Variants in DIAPH2 observed in about 807,000 individuals in gnomAD.
DIAPH2 encodes diaphanous related formin 2.
A neutral mutation model predicts 92.7 loss-of-function variants in DIAPH2; 35 were observed. The observed-to-expected ratio is 0.38, with a 90% confidence interval of 0.29 to 0.50. DIAPH2 has a LOEUF of 0.50. Ranked by LOEUF, DIAPH2 falls within the 20% of genes least tolerant of loss-of-function variation. The pLI, the probability that DIAPH2 is intolerant of heterozygous loss-of-function variation, is 0.94. For synonymous variants in DIAPH2, 301 were observed against 280.4 expected, an observed-to-expected ratio of 1.07 and a Z score of -0.73; for missense variants, 701 against 819.5, an observed-to-expected ratio of 0.86 and a Z score of 1.77.
chrX:96,738,974 G>A (rs1298842031), intron 3 of DIAPH2, among the ~76,000 whole-genome samples: 1 of 110,664 alleles, frequency 9.0e-6, no homozygotes, highest in Non-Finnish European at 1.9e-5. Context: ...TCCACTGTGA[G>A]CTCCTAAAAG....
At chrX:97,205,530 G>C (rs931145759) in intron 22 of DIAPH2, among the ~76,000 whole-genome samples, 1 of 111,369 alleles carries the variant, frequency 9.0e-6, no homozygotes, top group African/African-American at 3.3e-5. Flanking sequence ...TTTCTCAAAA[G>C]AAATGTGGCC....
At chrX:97,410,279 G>A (rs947497565) in intron 25 of DIAPH2, among the ~76,000 whole-genome samples, 16 of 111,996 alleles carry the variant, frequency 1.4e-4, no homozygotes, top group Admixed American at 9.4e-5. Context: ...GGTCTGGAGT[G>A]GACTTCCAGC....
chrX:96,996,024 C>T (rs970617243), intron 17 of DIAPH2, among the ~76,000 whole-genome samples: 2 of 110,978 alleles, frequency 1.8e-5, no homozygotes, highest in Non-Finnish European at 3.8e-5. Context: ...TGAAGTGCCA[C>T]ATTACATTAT....
At chrX:96,818,411 G>A (rs1465223711) in intron 4 of DIAPH2, among the ~76,000 whole-genome samples, 1 of 111,707 alleles carries the variant, frequency 9.0e-6, no homozygotes, top group Admixed American at 9.4e-5. Context: ...CTCTTTTGGG[G>A]TTGGGGGAAT....
intron 1 of DIAPH2, among the ~76,000 whole-genome samples, chrX:96,703,852 A>G (rs2063868613): frequency 8.9e-6 from 1 of 112,088 alleles, no homozygotes; most frequent in Admixed American, 9.5e-5. Context: ...TAGGGCTATG[A>G]TTTGAACTCA....
chrX:96,905,695 T>C (rs1203203579), intron 5 of DIAPH2, among the ~76,000 whole-genome samples: 1 of 112,061 alleles, frequency 8.9e-6, no homozygotes, highest in East Asian at 2.8e-4. Context: ...ATTTTTGATA[T>C]AATTCTGTCA....
chrX:97,381,523 T>A (rs1474280258), intron 24 of DIAPH2, among the ~76,000 whole-genome samples: 1 of 112,056 alleles, frequency 8.9e-6, no homozygotes, highest in East Asian at 2.8e-4. Context: ...AAATATTATA[T>A]GAGACATACT....
intron 16 of DIAPH2, among the ~76,000 whole-genome samples, chrX:96,962,452 C>CATATATATAT (rs2065866591): frequency 3.2e-5 from 2 of 62,085 alleles, no homozygotes; most frequent in Non-Finnish European, 5.5e-5. Context: ...CATATATACA[C>CATATATATAT]ACACATATAT....
At chrX:97,077,588 T>C (rs975048593) in intron 19 of DIAPH2, among the ~76,000 whole-genome samples, 6 of 111,962 alleles carry the variant, frequency 5.4e-5, no homozygotes, top group Non-Finnish European at 7.5e-5. Context: ...TTAACAGTAG[T>C]AGTATTTTCT....
chrX:97,000,256 T>C (rs949733328), intron 17 of DIAPH2, among the ~76,000 whole-genome samples: 7 of 111,722 alleles, frequency 6.3e-5, no homozygotes, highest in Non-Finnish European at 1.9e-5. Flanking sequence ...GTACAAGACA[T>C]AGGCTAAAAA....
chrX:97,341,658 T>C (rs1484673104), intron 23 of DIAPH2, among the ~76,000 whole-genome samples: 1 of 110,715 alleles, frequency 9.0e-6, no homozygotes, highest in Non-Finnish European at 1.9e-5. Flanking sequence ...GGGGAGCCAA[T>C]TGTTTATGCC....
chrX:97,415,520 G>A lies in DIAPH2; in HGVS notation c.3146-14130G>A, dbSNP rs187292998. 2.6e-3 allele frequency among the ~76,000 whole-genome samples: 285 copies of A among 111,563 alleles called. 2 individuals carry two copies. The highest frequency in any genetic ancestry group is 9.3e-3 in the Middle Eastern group (2 of 214). On this transcript the variant is annotated intron_variant, in intron 25 of 26. Coordinates refer to ENST00000324765, the MANE Select transcript of DIAPH2 (RefSeq NM_006729.5). The stretch of plus-strand genomic sequence containing the variant: ...CATATTCACCATGAAATACTATGCA[G>A]CCATAAAAAACGATGAGTTCTTGTC...
At chrX:97,436,528 A>G (rs2070188427) in intron 26 of DIAPH2, among the ~76,000 whole-genome samples, 1 of 112,097 alleles carries the variant, frequency 8.9e-6, no homozygotes, top group African/African-American at 3.2e-5. Flanking sequence ...CAGATAGGGG[A>G]CAAGAAACAA....
At chrX:97,533,150 C>T (rs2071072254) in intron 26 of DIAPH2, 1 of 111,597 alleles carries the variant, frequency 9.0e-6, no homozygotes, top group South Asian at 3.7e-4. Flanking sequence ...TTTTGTTATG[C>T]CTCTTAAATT....
intron 24 of DIAPH2, among the ~76,000 whole-genome samples, chrX:97,372,266 A>G (rs1215164454): frequency 8.9e-6 from 1 of 111,838 alleles, no homozygotes; most frequent in Non-Finnish European, 1.9e-5. Context: ...TTTGTAACCA[A>G]CTGTAAGTTT....
At chrX:96,949,687 C>CAAAAAAAAAAA (rs1167294262) in intron 15 of DIAPH2, among the ~76,000 whole-genome samples, 20 of 40,261 alleles carry the variant, frequency 5.0e-4, no homozygotes, top group Middle Eastern at 0.021. Context: ...ACTAAAAATA[C>CAAAAAAAAAAA]AAAAAAAAAA....
chrX:96,939,010 A>G (rs934030013), intron 11 of DIAPH2, among the ~76,000 whole-genome samples: 1 of 111,707 alleles, frequency 9.0e-6, no homozygotes, highest in African/African-American at 3.3e-5. Context: ...TAAAATATGT[A>G]TAACGGATCA....
intron 3 of DIAPH2, among the ~76,000 whole-genome samples, chrX:96,755,545 C>T (rs753823196): frequency 3.9e-4 from 43 of 109,983 alleles, no homozygotes; most frequent in African/African-American, 1.4e-3. Flanking sequence ...CCCAGCTACT[C>T]GGGAGGCTGA....
At chrX:97,103,678 C>T (rs1187564554) in intron 20 of DIAPH2, among the ~76,000 whole-genome samples, 2 of 111,810 alleles carry the variant, frequency 1.8e-5, no homozygotes, top group African/African-American at 3.3e-5. Flanking sequence ...CGGCACAACC[C>T]TTAGTAGGAT....
Sources: gnomAD v4.1 joint callset for allele counts (sites outside exome capture counted in the v4.1 genomes callset) on GRCh38, gnomAD v4.1.1 for gene constraint, MANE v1.5 for transcripts, NCBI Gene and HGNC (gene_info 2026-07-23, HGNC 2026-07-21) for gene names.